Variants in LATS2 observed in about 807,000 individuals in gnomAD.
LATS2 encodes the protein large tumor suppressor kinase 2.
Under a neutral mutation model 76.0 loss-of-function variants are expected in LATS2, and 24 were observed. The observed-to-expected ratio is 0.32, with a 90% confidence interval of 0.23 to 0.44. The LOEUF is 0.44. Ranked by LOEUF, LATS2 falls within the 20% of genes least tolerant of loss-of-function variation. The pLI is 1.00. For missense variants in LATS2, 1,286 were observed against 1,481.2 expected, an observed-to-expected ratio of 0.87 and a Z score of 2.16; for synonymous variants, 692 against 635.4, an observed-to-expected ratio of 1.09 and a Z score of -1.34.
intron 1 of LATS2, among the ~76,000 whole-genome samples, chr13:21,057,461 T>C (rs1873482605): frequency 1.3e-5 from 2 of 152,218 alleles, no homozygotes. Context: ...TTTAACATCA[T>C]AACCAATGTC....
intron 2 of LATS2, among the ~76,000 whole-genome samples, chr13:21,040,372 G>A (rs1872829045): frequency 7.2e-6 from 1 of 139,436 alleles, no homozygotes; most frequent in African/African-American, 2.9e-5. Context: ...GACAGACCTT[G>A]TCTCAAAAAA....
At chr13:21,054,989 A>C (rs1034907333) in intron 1 of LATS2, among the ~76,000 whole-genome samples, 3 of 152,208 alleles carry the variant, frequency 2.0e-5, no homozygotes, top group Non-Finnish European at 4.4e-5. Context: ...GTGAATATGA[A>C]AAAATAGTAC....
intron 2 of LATS2, chr13:21,038,656 C>A (rs1255556193): frequency 1.3e-5 from 2 of 152,190 alleles, no homozygotes; most frequent in Non-Finnish European, 2.9e-5. Context: ...GACACTGCCA[C>A]TGTGCAAAGC....
rs1475574207 is a variant in LATS2, at chr13:20,988,455, T to G, written c.1325A>C (p.His442Pro). Residue 442 changes from histidine (H) to proline (P), a missense_variant, in exon 4 of 8, where the codon CAC becomes CCC. Around this residue, in one of 5 missense-constraint regions of LATS2, gnomAD observed 710 missense variants for 660.9 expected, o/e 1.07. Coordinates refer to ENST00000382592, the MANE Select transcript of LATS2 (RefSeq NM_014572.3). ...VTAVTAAHILHPVKSVRVLRP... is the reference protein window; with the variant it reads ...VTAVTAAHILPPVKSVRVLRP... ...CAGCACACGCACGCTCTTCACCGGG[T>G]GCAAGATGTGCGCGGCCGTGACAGC... 1 of 1,526,018 alleles carries G rather than the reference T, an allele frequency of 6.6e-7. No individual in the cohort carries two copies. Among genetic ancestry groups the G allele is most frequent in the Non-Finnish European group, 8.7e-7 (1 of 1,143,576 alleles). The allele number at this position is 1,526,018 out of a possible 1,614,324, so 94.5% of individuals were successfully genotyped here. A position where few individuals can be genotyped will look rare whatever the true frequency, so the allele number is the denominator to read the frequency against.
In LATS2 at chr13:21,023,666, AAAAAAAAAAAAAAAAAAC is replaced by A. The variant is rs750596929; in HGVS notation, c.342+22001_342+22018del. On this transcript the variant is annotated intron_variant, in intron 2 of 7. Coordinates refer to ENST00000382592, the MANE Select transcript of LATS2 (RefSeq NM_014572.3). ...GGCTTTAAAAAAAAAAAAAAAAAAA[AAAAAAAAAAAAAAAAAAC>A]AAACCTCGGCCGGGCGCAGTGGCTG... Among the ~76,000 whole-genome samples the A allele has an allele frequency of 5.7e-3, 604 of 106,142 alleles. 82 individuals are homozygous for A. The highest frequency in any genetic ancestry group is 9.6e-3 in the Admixed American group (87 of 9,084). 69.6% of individuals were successfully genotyped at this position (106,142 alleles called of 152,430 possible). A position where few individuals can be genotyped will look rare whatever the true frequency, so the allele number is the denominator to read the frequency against.
At chr13:20,982,471 C>T (rs1483527719) in intron 5 of LATS2, among the ~76,000 whole-genome samples, 17 of 152,266 alleles carry the variant, frequency 1.1e-4, no homozygotes, top group South Asian at 4.1e-4. Context: ...TCACCACGCC[C>T]GGCTAATTTT....
chr13:21,001,294 G>A (rs1200776556), intron 2 of LATS2, among the ~76,000 whole-genome samples: 1 of 152,158 alleles, frequency 6.6e-6, no homozygotes, highest in Non-Finnish European at 1.5e-5. Flanking sequence ...ATGGTTTCAG[G>A]GGTCCTGGAT....
chr13:21,051,196 A>G (rs1873263471), intron 1 of LATS2, among the ~76,000 whole-genome samples: 1 of 152,232 alleles, frequency 6.6e-6, no homozygotes, highest in African/African-American at 2.4e-5. Flanking sequence ...ATGTGAGACA[A>G]GCCCTCTTAT....
At chr13:20,985,653 G>A (rs1057014663) in intron 4 of LATS2, among the ~76,000 whole-genome samples, 1 of 151,996 alleles carries the variant, frequency 6.6e-6, no homozygotes, top group Admixed American at 6.5e-5. Context: ...CAGGAGAATA[G>A]CTTGAATCCA....
intron 2 of LATS2, among the ~76,000 whole-genome samples, chr13:21,022,247 G>A (rs1420261520): frequency 6.6e-6 from 1 of 152,090 alleles, no homozygotes; most frequent in Non-Finnish European, 1.5e-5. Context: ...TATGTGTGTG[G>A]ACGTATGCAT....
chr13:20,975,272 T>G lies in LATS2; in HGVS notation c.2865A>C (p.Ala955=). Residue 955 remains alanine, a synonymous_variant, in exon 8 of 8, where the codon GCA becomes GCC. Coordinates refer to ENST00000382592, the MANE Select transcript of LATS2 (RefSeq NM_014572.3). ...CCCCATTCCGCCCCAGGCGGTGGTC[T>G]GCGGAGCAGCACAGCTTGGTGATGA... is the stretch of plus-strand genomic sequence containing the variant. ...RDLITKLCCS[A]DHRLGRNGAD... The G allele has an allele frequency of 6.2e-7, 1 of 1,614,114 alleles. No homozygotes were observed.
intron 2 of LATS2, among the ~76,000 whole-genome samples, chr13:21,040,045 C>A (rs1872814410): frequency 6.6e-6 from 1 of 151,376 alleles, no homozygotes; most frequent in African/African-American, 2.4e-5. Flanking sequence ...TGTATTCCAG[C>A]CTGGGCAATA....
chr13:21,061,156 G>A (rs1185395701), intron 1 of LATS2, among the ~76,000 whole-genome samples, 190 bp downstream of exon 1: 1 of 151,368 alleles, frequency 6.6e-6, no homozygotes, highest in Non-Finnish European at 1.5e-5. Context: ...GGCGGCTCCG[G>A]GCGGGCGCGG....
At chr13:21,013,188 G>A (rs1250795958) in intron 2 of LATS2, among the ~76,000 whole-genome samples, 1 of 152,144 alleles carries the variant, frequency 6.6e-6, no homozygotes, top group African/African-American at 2.4e-5. Flanking sequence ...TGCCTGCTTA[G>A]GTGAGTTAGG....
chr13:21,019,668 CAAAAAAA>C (rs1281059777), intron 2 of LATS2, among the ~76,000 whole-genome samples: 2 of 86,598 alleles, frequency 2.3e-5, no homozygotes, highest in African/African-American at 8.7e-5. Context: ...TTTAATCTCT[CAAAAAAA>C]AAAAAAAAAA....
chr13:21,040,760 T>C (rs1872851226), intron 2 of LATS2, among the ~76,000 whole-genome samples: 1 of 151,854 alleles, frequency 6.6e-6, no homozygotes, highest in Admixed American at 6.6e-5. Flanking sequence ...GGGGCAGCCA[T>C]GTATGGATGC....
intron 2 of LATS2, among the ~76,000 whole-genome samples, chr13:21,023,826 A>T (rs532258861): frequency 6.6e-6 from 1 of 151,918 alleles, no homozygotes; most frequent in Non-Finnish European, 1.5e-5. Context: ...ATACAAAATT[A>T]GCTGGGCATG....
intron 2 of LATS2, among the ~76,000 whole-genome samples, chr13:21,000,728 A>G (rs527479332): frequency 3.9e-5 from 6 of 152,356 alleles, no homozygotes; most frequent in Non-Finnish European, 7.3e-5. Context: ...AATACTTTCT[A>G]TAAGTAAAAC....
intron 2 of LATS2, among the ~76,000 whole-genome samples, chr13:21,019,445 G>C (rs1002716278): frequency 4.3e-4 from 64 of 148,530 alleles, no homozygotes; most frequent in Non-Finnish European, 3.9e-4. Context: ...TCCTGCCTCA[G>C]CCTCCCAAGT....
Sources: allele counts gnomAD v4.1 joint callset (sites outside exome capture counted in the v4.1 genomes callset), GRCh38; gene constraint gnomAD v4.1.1; regional missense constraint gnomAD v4.1.1; transcripts MANE v1.5; gene names NCBI Gene and HGNC (gene_info 2026-07-23, HGNC 2026-07-21).